Variants in C9 observed in about 807,000 individuals in gnomAD.
C9 encodes the protein complement C9.
C9 carries 63 observed loss-of-function variants against 65.4 expected under a neutral mutation model. The ratio of observed to expected loss-of-function variants is 0.96; its 90% CI spans 0.79 to 1.19. The LOEUF (loss-of-function observed/expected upper bound fraction) is 1.19, where lower values mean the gene tolerates loss of function less well. Among genes scored for constraint, C9 ranks in the 50% most tolerant of loss-of-function variants. The pLI is 0.00. For missense variants in C9, 744 were observed against 670.1 expected, an observed-to-expected ratio of 1.11 and a Z score of -1.22; for synonymous variants, 229 against 227.9, an observed-to-expected ratio of 1.00 and a Z score of -0.04.
In C9 at chr5:39,288,733, T is replaced by A. The variant is rs1439707909; in HGVS notation, c.1635A>T (p.Lys545Asn). 1.7e-5 allele frequency: 27 copies of A among 1,603,344 alleles called. No homozygotes were observed. Among genetic ancestry groups the A allele is most frequent in the Non-Finnish European group, 2.2e-5 (26 of 1,170,690 alleles). The change falls in exon 10 of 11, where the codon AAA becomes AAT. Residue 545 changes from lysine (K) to asparagine (N), a missense_variant. Lys to Asn is a moderately conservative substitution (Grantham distance 94, BLOSUM62 0). Transcript: ENST00000263408. The stretch of plus-strand genomic sequence containing the variant: ...ATAAATTGTCCTCACCTTCAGAAAT[T>A]TTTTGTTTACTGATTTCACAGGCAA... ...EGIACEISKQ[K>N]ISEGLPALEF...
intron 9 of C9, among the ~76,000 whole-genome samples, chr5:39,293,426 CA>C (rs900980443): frequency 6.6e-6 from 1 of 151,718 alleles, no homozygotes; most frequent in African/African-American, 2.4e-5. Context: ...TTATATCAGA[CA>C]AAGCAGACTT....
intron 1 of C9, among the ~76,000 whole-genome samples, chr5:39,347,785 G>A (rs936073947): frequency 6.6e-6 from 1 of 152,170 alleles, no homozygotes; most frequent in Non-Finnish European, 1.5e-5. Flanking sequence ...CAAGGCTACA[G>A]TAACCAAAAC....
chr5:39,292,353 A>C lies in C9; in HGVS notation c.1417-3402T>G, dbSNP rs149536376. On this transcript the variant is annotated intron_variant, in intron 9 of 10. Coordinates refer to ENST00000263408, the MANE Select transcript of C9 (RefSeq NM_001737.5). ...AAGACAAAAACAAAACAAAACAAAA[A>C]AAAATCCACACAAACTGTAAACATA... Among the ~76,000 whole-genome samples the C allele has an allele frequency of 6.9e-3, 1,046 of 151,974 alleles. 4 individuals are homozygous for C. The highest frequency in any genetic ancestry group is 9.7e-3 in the South Asian group (47 of 4,832).
chr5:39,315,320 C>T (rs950506843), intron 6 of C9, among the ~76,000 whole-genome samples: 4 of 152,074 alleles, frequency 2.6e-5, no homozygotes, highest in African/African-American at 4.8e-5. Context: ...AAGTCTCAAA[C>T]GTATGATTAC....
chr5:39,357,301 G>T (rs1754427876), intron 1 of C9, among the ~76,000 whole-genome samples: 1 of 152,164 alleles, frequency 6.6e-6, no homozygotes, highest in African/African-American at 2.4e-5. Flanking sequence ...CAATGGATTT[G>T]GCACAGTTTC....
chr5:39,346,317 A>G (rs1318923479), intron 1 of C9, among the ~76,000 whole-genome samples: 1 of 152,200 alleles, frequency 6.6e-6, no homozygotes, highest in Non-Finnish European at 1.5e-5. Flanking sequence ...AAATAGATGC[A>G]ACAAAAAATG....
intron 1 of C9, among the ~76,000 whole-genome samples, chr5:39,352,778 C>CAA (rs951742326): frequency 2.6e-5 from 4 of 151,912 alleles, no homozygotes; most frequent in African/African-American, 9.7e-5. Context: ...TTGATCTTAT[C>CAA]ATTCAGTTAC....
chr5:39,343,597 G>C (rs372514253), intron 1 of C9, among the ~76,000 whole-genome samples: 2 of 152,342 alleles, frequency 1.3e-5, no homozygotes, highest in South Asian at 2.1e-4. Context: ...CACCTCTGGG[G>C]GTAGGGCATA....
At position 39,288,762 on chromosome 5, in the gene C9, C is replaced by T; in HGVS notation, c.1606G>A (p.Gly536Arg). 4 of 1,612,066 alleles carry T rather than the reference C, an allele frequency of 2.5e-6. No individual in the cohort carries two copies. The highest frequency in any genetic ancestry group is 3.4e-6 in the Non-Finnish European group (4 of 1,178,620). Reference sequence around the variant, plus strand: ...TGTTTACTGATTTCACAGGCAATTCCCTCAAATTTGAATGGGCAGGCACAC... The same window carrying T: ...TGTTTACTGATTTCACAGGCAATTCTCTCAAATTTGAATGGGCAGGCACAC... ...CLCACPFKFEGIACEISKQKI... is the reference protein window; with the variant it reads ...CLCACPFKFERIACEISKQKI... The change falls in exon 10 of 11, where the codon GGA (glycine) becomes AGA (arginine). Residue 536 changes from glycine to arginine, a missense_variant. Physicochemically the swap from Gly to Arg is moderately radical, Grantham distance 125 (BLOSUM62 -2). Coordinates refer to ENST00000263408, the MANE Select transcript of C9 (RefSeq NM_001737.5).
At chr5:39,341,409 G>A in intron 3 of C9, 116 bp from the exon 4 acceptor site, 6 of 1,448,480 alleles carry the variant, frequency 4.1e-6, no homozygotes, top group Non-Finnish European at 5.8e-6. Context: ...ACACATTTGA[G>A]TTCTTTGTAC....
At chr5:39,318,674 G>A (rs140113277) in intron 5 of C9, among the ~76,000 whole-genome samples, 28 of 151,892 alleles carry the variant, frequency 1.8e-4, no homozygotes, top group African/African-American at 6.3e-4. Context: ...ACTCTTGTCT[G>A]GGAAGGGGAC....
rs188899963 is a variant in C9, at chr5:39,342,002, G to A, written c.183+89C>T. ...TCTGGGTTTGGAACTCAGTTGTGGGGCTCCCTGCCTCATAATCATTTTTCT... is the reference window on the plus strand; with the variant it reads ...TCTGGGTTTGGAACTCAGTTGTGGGACTCCCTGCCTCATAATCATTTTTCT... On this transcript the variant is annotated intron_variant, in intron 2 of 10. Coordinates refer to ENST00000263408, the MANE Select transcript of C9 (RefSeq NM_001737.5). 1,472 of 832,958 alleles carry A rather than the reference G, an allele frequency of 1.8e-3. 10 individuals carry two copies. The highest frequency in any genetic ancestry group is 1.9e-3 in the Non-Finnish European group (883 of 469,798). The allele number at this position is 832,958 out of a possible 1,614,324, so 51.6% of individuals were successfully genotyped here.
At chr5:39,318,739 G>T (rs1753616806) in intron 5 of C9, among the ~76,000 whole-genome samples, 1 of 152,022 alleles carries the variant, frequency 6.6e-6, no homozygotes, top group African/African-American at 2.4e-5. Context: ...TGGTTGTTCT[G>T]CATGAGAAAC....
rs571495220 is a variant in C9, at chr5:39,305,297, G to A, written c.1416+1320C>T. 4.6e-5 allele frequency among the ~76,000 whole-genome samples: 7 copies of A among 151,888 alleles called. No homozygotes were observed. The East Asian group carries it at 7.7e-4, about 17-fold the overall frequency. The stretch of plus-strand genomic sequence containing the variant: ...ATAAATACATTGCATATCTATGAAC[G>A]GCTGTATTTCTATAACATAAAGGGA... On this transcript the variant is annotated intron_variant, in intron 9 of 10. Transcript: ENST00000263408.
chr5:39,316,155 A>C, intron 5 of C9, 126 bp from the exon 6 acceptor site: 1 of 726,154 alleles, frequency 1.4e-6, no homozygotes, highest in Non-Finnish European at 2.3e-6. Context: ...GTTAAGAGCA[A>C]AAGTGATGGA....
At chr5:39,298,021 T>A (rs900207918) in intron 9 of C9, among the ~76,000 whole-genome samples, 5 of 151,722 alleles carry the variant, frequency 3.3e-5, no homozygotes, top group Non-Finnish European at 7.4e-5. Flanking sequence ...CAGAAAGCTA[T>A]CTGAAAAATC....
chr5:39,341,875 C>T (rs893288093), intron 2 of C9, among the ~76,000 whole-genome samples, 175 bp from the exon 3 acceptor site: 1 of 152,182 alleles, frequency 6.6e-6, no homozygotes, highest in African/African-American at 2.4e-5. Flanking sequence ...GTTTGGCAGC[C>T]TCTTATACAG....
chr5:39,364,394 G>A lies in C9; in HGVS notation c.71C>T (p.Thr24Met), dbSNP rs766212531. 1.0e-5 allele frequency: 16 copies of A among 1,580,382 alleles called. No homozygotes were observed. Among genetic ancestry groups the A allele is most frequent in the East Asian group, 2.2e-5 (1 of 44,772 alleles). ...AGAAAAGTAACTGACTCACCTGGTC[G>A]TGTACTGTGCTGTGAGGATGCTTAT... ...LEISILTAQY[T>M]TSYDPELTES... is the part of the protein sequence containing the mutation. The change falls in exon 1 of 11, where the codon ACG (threonine) becomes ATG (methionine). Residue 24 changes from threonine (T) to methionine (M), a missense_variant. Coordinates refer to ENST00000263408, the MANE Select transcript of C9 (RefSeq NM_001737.5).
chr5:39,290,884 G>C (rs1187446708), intron 9 of C9, among the ~76,000 whole-genome samples: 5 of 151,920 alleles, frequency 3.3e-5, no homozygotes, highest in African/African-American at 1.2e-4. Context: ...AAGTAGGATA[G>C]CTCTGGCAGA....
Sources: gnomAD v4.1 joint callset for allele counts (sites outside exome capture counted in the v4.1 genomes callset) on GRCh38, gnomAD v4.1.1 for gene constraint, MANE v1.5 for transcripts, NCBI Gene and HGNC (gene_info 2026-07-23, HGNC 2026-07-21) for gene names.